Variants in ABI2 observed in about 807,000 individuals in gnomAD.
The protein encoded by ABI2 is abelson interactor 2.
ABI2 carries 25 observed loss-of-function variants against 59.2 expected under a neutral mutation model. The ratio of observed to expected loss-of-function variants is 0.42; its 90% CI spans 0.31 to 0.59. ABI2 has a LOEUF of 0.59. Among genes scored for constraint, ABI2 ranks in the 20% least tolerant of loss-of-function variants. The pLI, the probability that ABI2 is intolerant of heterozygous loss-of-function variation, is 0.14. For missense variants in ABI2, 545 were observed against 681.8 expected (o/e 0.80, Z 2.23); for synonymous variants, 213 against 235.5 (o/e 0.90, Z 0.87).
intron 1 of ABI2, among the ~76,000 whole-genome samples, chr2:203,361,705 A>C (rs141003437): frequency 6.6e-6 from 1 of 152,342 alleles, no homozygotes; most frequent in African/African-American, 2.4e-5. Flanking sequence ...CCTTATTTCT[A>C]CTTAAAACAT....
intron 2 of ABI2, among the ~76,000 whole-genome samples, chr2:203,374,570 A>G (rs1229936403): frequency 6.6e-6 from 1 of 152,006 alleles, no homozygotes; most frequent in East Asian, 1.9e-4. Context: ...TCAATACGTA[A>G]TTATGCATAG....
At chr2:203,389,256 A>G (rs1182500466) in intron 4 of ABI2, among the ~76,000 whole-genome samples, 1 of 152,174 alleles carries the variant, frequency 6.6e-6, no homozygotes, top group Non-Finnish European at 1.5e-5. Flanking sequence ...TTACTTGATA[A>G]TGTTTGTTTT....
intron 1 of ABI2, among the ~76,000 whole-genome samples, chr2:203,349,428 G>A (rs1478335850): frequency 1.3e-5 from 2 of 151,892 alleles, no homozygotes; most frequent in African/African-American, 4.8e-5. Flanking sequence ...TTTTGAGGCG[G>A]AGTTTTGCTC....
intron 2 of ABI2, among the ~76,000 whole-genome samples, chr2:203,376,493 C>T (rs1305172089): frequency 6.6e-5 from 10 of 152,172 alleles, no homozygotes. Context: ...GTTTAAAAAA[C>T]ATGCCTTCAG....
intron 8 of ABI2, 141 bp downstream of exon 8, chr2:203,397,108 T>C: frequency 8.4e-7 from 1 of 1,187,682 alleles, no homozygotes; most frequent in Non-Finnish European, 1.1e-6. Flanking sequence ...CCAGAAAGTA[T>C]GTGACCAAAG....
chr2:203,330,635 G>A (rs2072635261), intron 1 of ABI2, among the ~76,000 whole-genome samples: 1 of 152,180 alleles, frequency 6.6e-6, no homozygotes, highest in Non-Finnish European at 1.5e-5. Context: ...AAACCTAAAG[G>A]AATGAAGTGG....
At chr2:203,376,931 AAT>A (rs900433695) in intron 2 of ABI2, among the ~76,000 whole-genome samples, 5 of 152,300 alleles carry the variant, frequency 3.3e-5, no homozygotes, top group African/African-American at 9.6e-5. Flanking sequence ...TCAAACAAGA[AAT>A]ATGTGCTTGT....
intron 9 of ABI2, among the ~76,000 whole-genome samples, chr2:203,406,496 C>T (rs2097431710): frequency 6.6e-6 from 1 of 151,976 alleles, no homozygotes; most frequent in Non-Finnish European, 1.5e-5. Context: ...TTAAAAGCGA[C>T]TAAAAAAATA....
chr2:203,416,971 C>T lies in ABI2; in HGVS notation c.1343C>T (p.Pro448Leu). The T allele has an allele frequency of 2.5e-6, 4 of 1,613,414 alleles. No homozygotes were observed. The highest frequency in any genetic ancestry group is 1.7e-6 in the Non-Finnish European group (2 of 1,179,618). ...EEPVFDESPP[P>L]PPPPEDYEEE... The stretch of plus-strand genomic sequence containing the variant: ...CCAGTCTTTGATGAGTCTCCCCCAC[C>T]TCCTCCTCCTCCAGAAGATTACGAA... The change falls in exon 11 of 12, where the codon CCT becomes CTT. Residue 448 changes from proline (P) to leucine (L), a missense_variant. By Grantham distance (98) the Pro-to-Leu change is moderately conservative. Coordinates refer to ENST00000261018, the MANE Select transcript of ABI2 (RefSeq NM_001375670.1).
intron 4 of ABI2, among the ~76,000 whole-genome samples, chr2:203,384,275 CTTGTTTTT>C (rs1559288641): frequency 7.9e-4 from 62 of 78,886 alleles, no homozygotes; most frequent in African/African-American, 3.3e-3. Context: ...GTTCCATACT[CTTGTTTTT>C]GTTTTTGTTT....
In ABI2 at chr2:203,329,463, T is replaced by C. The variant is rs891808013; in HGVS notation, c.117+832T>C. On this transcript the variant is annotated intron_variant, in intron 1 of 11. Transcript: ENST00000261018. ...GGTATGAGATCCAGCTGCTCCTGGATGAAGCAAAATATTCTGTGGATTAAA... is the reference window on the plus strand; with the variant it reads ...GGTATGAGATCCAGCTGCTCCTGGACGAAGCAAAATATTCTGTGGATTAAA... Among the ~76,000 whole-genome samples the C allele has an allele frequency of 2.7e-5, 4 of 150,892 alleles. No homozygotes were observed. In the East Asian group the frequency reaches 7.8e-4, roughly 30 times the overall value.
intron 2 of ABI2, among the ~76,000 whole-genome samples, chr2:203,372,948 G>T (rs1577640152): frequency 1.3e-5 from 2 of 151,852 alleles, no homozygotes; most frequent in East Asian, 3.9e-4. Flanking sequence ...ACGGGATGGC[G>T]GCCAGGAAGA....
intron 9 of ABI2, among the ~76,000 whole-genome samples, chr2:203,404,592 T>C (rs1225124439): frequency 6.6e-6 from 1 of 152,172 alleles, no homozygotes; most frequent in African/African-American, 2.4e-5. Flanking sequence ...AAAGTCTTGC[T>C]CTGTCACCCA....
intron 1 of ABI2, 116 bp downstream of exon 1, chr2:203,328,747 G>T: frequency 1.8e-6 from 1 of 551,342 alleles, no homozygotes; most frequent in South Asian, 3.2e-5. Flanking sequence ...CCCCGATGGG[G>T]GTGGGGAGCT....
At chr2:203,425,042 T>G (rs577256325) in intron 11 of ABI2, among the ~76,000 whole-genome samples, 40 of 151,566 alleles carry the variant, frequency 2.6e-4, no homozygotes, top group African/African-American at 9.4e-4. Context: ...TTTTTTTTTT[T>G]TGTATTTTTT....
At position 203,423,476 on chromosome 2, in the gene ABI2, A is replaced by C. The variant is rs570887306; in HGVS notation, c.1454-3701A>C. On this transcript the variant is annotated intron_variant, in intron 11 of 11. Transcript: ENST00000261018. Reference sequence around the variant, plus strand: ...AGTCTCGCTCTGTCGCTCAGGCTAGAGTGCAGTGGTGCAATCTCGGCTCAC... The same window carrying C: ...AGTCTCGCTCTGTCGCTCAGGCTAGCGTGCAGTGGTGCAATCTCGGCTCAC... 1.4e-4 allele frequency among the ~76,000 whole-genome samples: 22 copies of C among 152,262 alleles called. No individual in the cohort carries two copies. The East Asian group carries it at 4.3e-3, about 29-fold the overall frequency.
At chr2:203,396,225 T>TGCTTA (rs2096976532) in intron 7 of ABI2, among the ~76,000 whole-genome samples, 2 of 152,354 alleles carry the variant, frequency 1.3e-5, no homozygotes, top group Non-Finnish European at 2.9e-5. Context: ...CAGAAAAATC[T>TGCTTA]GCTTATTTGA....
At chr2:203,380,415 G>C in intron 3 of ABI2, 31 bp downstream of exon 3, 1 of 1,418,352 alleles carries the variant, frequency 7.1e-7, no homozygotes, top group African/African-American at 1.5e-5. Context: ...GCTTTTAAAA[G>C]TAGTAACCCA....
At chr2:203,360,000 C>T (rs570165553) in intron 1 of ABI2, among the ~76,000 whole-genome samples, 1 of 151,988 alleles carries the variant, frequency 6.6e-6, no homozygotes, top group South Asian at 2.1e-4. Flanking sequence ...TCCTGGCCAA[C>T]ATGGTAAAAC....
Sources: gnomAD v4.1 joint callset for allele counts (sites outside exome capture counted in the v4.1 genomes callset) on GRCh38, gnomAD v4.1.1 for gene constraint, MANE v1.5 for transcripts, NCBI Gene and HGNC (gene_info 2026-07-23, HGNC 2026-07-21) for gene names.